THSD4: variants seen among roughly 807,000 people sequenced by gnomAD.
The protein encoded by THSD4 is thrombospondin type-1 domain-containing protein 4.
A neutral mutation model predicts 119.0 loss-of-function variants in THSD4; 69 were observed. That is an observed-to-expected ratio of 0.58 (90% CI 0.48 to 0.71). THSD4 has a LOEUF of 0.71. Among genes scored for constraint, THSD4 ranks in the 30% least tolerant of loss-of-function variants. THSD4 has a pLI of 0.00. For missense variants in THSD4, 1,393 were observed against 1,391.1 expected (o/e 1.00, Z -0.02); for synonymous variants, 524 against 540.4 (o/e 0.97, Z 0.42).
intron 8 of THSD4, among the ~76,000 whole-genome samples, chr15:71,724,521 G>A (rs1276305069): frequency 2.6e-5 from 4 of 151,396 alleles, no homozygotes; most frequent in East Asian, 3.9e-4. Context: ...TCCTGACCTC[G>A]TGATCCGCCA....
intron 1 of THSD4, among the ~76,000 whole-genome samples, chr15:71,101,967 C>T (rs1452392997): frequency 6.6e-6 from 1 of 152,106 alleles, no homozygotes; most frequent in Non-Finnish European, 1.5e-5. Context: ...GCCCCCTTGG[C>T]CGCCCAAAGT....
At chr15:71,469,492 G>C (rs565676300) in intron 7 of THSD4, among the ~76,000 whole-genome samples, 3 of 152,314 alleles carry the variant, frequency 2.0e-5, no homozygotes, top group South Asian at 4.1e-4. Context: ...CAGTCCCACG[G>C]ACACTTGCTG....
Position 71,369,595 on chromosome 15 carries a change from T to C in THSD4, c.1016-42092T>C, listed in dbSNP as rs563093105. Among the ~76,000 whole-genome samples the C allele has an allele frequency of 3.7e-4, 56 of 152,308 alleles. No homozygotes were observed. In the South Asian group the frequency reaches 6.2e-3, roughly 17 times the overall value. ...ATGCTGGATTATGTTTATTGATTTG[T>C]GTATGTTGAACCAGCCTTGCATCCC... On this transcript the variant is annotated intron_variant, in intron 6 of 17. Coordinates refer to ENST00000261862, the MANE Select transcript of THSD4 (RefSeq NM_024817.3).
intron 6 of THSD4, among the ~76,000 whole-genome samples, chr15:71,383,974 CTG>C (rs369286788): frequency 1.3e-5 from 2 of 152,168 alleles, no homozygotes; most frequent in Admixed American, 6.5e-5. Flanking sequence ...TGAGGAATGA[CTG>C]TATTTGAGAG....
At position 71,168,944 on chromosome 15, in the gene THSD4, C is replaced by T. The variant is rs566778850; in HGVS notation, c.99+14012C>T. Among the ~76,000 whole-genome samples the T allele has an allele frequency of 7.9e-5, 12 of 152,196 alleles. No homozygotes were observed. In the South Asian group the frequency reaches 1.5e-3, roughly 18 times the overall value. On this transcript the variant is annotated intron_variant, in intron 3 of 17. Coordinates refer to ENST00000261862, the MANE Select transcript of THSD4 (RefSeq NM_024817.3). Reference sequence around the variant, plus strand: ...TAAACAAGACACAAAAATCAGTAACCATAAAATTGTACTACATTCGAGTCG... The same window carrying T: ...TAAACAAGACACAAAAATCAGTAACTATAAAATTGTACTACATTCGAGTCG...
Position 71,710,606 on chromosome 15 carries a change from A to G in THSD4, c.1358-17943A>G, listed in dbSNP as rs62024324. ...ATGTAAGACCCACCTCATCTGGCTC[A>G]TACGGTATCTTCAAGGGGAAAAATA... On this transcript the variant is annotated intron_variant, in intron 8 of 17. Transcript: ENST00000261862. Among the ~76,000 whole-genome samples, 893 of 152,328 alleles carry G rather than the reference A, an allele frequency of 5.9e-3. 9 individuals are homozygous for G. Among genetic ancestry groups the G allele is most frequent in the Non-Finnish European group, 7.4e-3 (501 of 68,026 alleles).
At chr15:71,448,396 C>T (rs189046463) in intron 7 of THSD4, among the ~76,000 whole-genome samples, 313 of 152,290 alleles carry the variant, frequency 2.1e-3, no homozygotes, top group Non-Finnish European at 3.5e-3. Flanking sequence ...CATTTGGGGG[C>T]ATTTCATAAT....
intron 7 of THSD4, among the ~76,000 whole-genome samples, chr15:71,636,883 T>TTTTTTC (rs1278392034): frequency 6.6e-6 from 1 of 151,754 alleles, no homozygotes; most frequent in African/African-American, 2.4e-5. Context: ...CTCTCAATAT[T>TTTTTTC]TTTTTCTTTT....
In THSD4 at chr15:71,774,310, CAAAAAAAAA is replaced by C. The variant is rs11448201; in HGVS notation, c.2915-2913_2915-2905del. Reference sequence around the variant, plus strand: ...TGAGTGACAGAGTGAGACTCTGTCTCAAAAAAAAAAAAAAAAACTACAAGAGGCTGAAGA... The same window carrying C: ...TGAGTGACAGAGTGAGACTCTGTCTCAAAAAAAACTACAAGAGGCTGAAGA... On this transcript the variant is annotated intron_variant, in intron 17 of 17. Transcript: ENST00000261862. 5.5e-4 allele frequency among the ~76,000 whole-genome samples: 41 copies of C among 73,898 alleles called. No homozygotes were observed. The South Asian group carries it at 0.011, about 20-fold the overall frequency. 48.5% of individuals were successfully genotyped at this position (73,898 alleles called of 152,430 possible).
At chr15:71,240,847 A>G (rs927056997) in intron 4 of THSD4, among the ~76,000 whole-genome samples, 9 of 152,136 alleles carry the variant, frequency 5.9e-5, no homozygotes, top group African/African-American at 2.2e-4. Flanking sequence ...ACATATATAC[A>G]TATATATGAC....
intron 6 of THSD4, among the ~76,000 whole-genome samples, chr15:71,390,453 G>A (rs1180358264): frequency 2.0e-5 from 3 of 152,182 alleles, no homozygotes; most frequent in Admixed American, 1.3e-4. Flanking sequence ...GGATTGCATA[G>A]ATAAGCTGTG....
intron 6 of THSD4, among the ~76,000 whole-genome samples, chr15:71,267,583 T>G (rs2044477726): frequency 6.6e-6 from 1 of 152,204 alleles, no homozygotes; most frequent in African/African-American, 2.4e-5. Flanking sequence ...GCTAGCATCA[T>G]AATGACAGGG....
intron 7 of THSD4, among the ~76,000 whole-genome samples, chr15:71,432,016 T>A (rs980792729): frequency 3.9e-5 from 6 of 152,012 alleles, no homozygotes; most frequent in Non-Finnish European, 7.4e-5. Context: ...CACAAAGAGA[T>A]CTGGTTATTT....
intron 1 of THSD4, among the ~76,000 whole-genome samples, chr15:71,107,968 G>A (rs890763788): frequency 5.9e-5 from 9 of 152,146 alleles, no homozygotes; most frequent in East Asian, 1.9e-4. Context: ...TCACTGCTTC[G>A]TTTTCTGTCC....
intron 7 of THSD4, among the ~76,000 whole-genome samples, chr15:71,570,809 G>A (rs192206899): frequency 6.6e-6 from 1 of 152,294 alleles, no homozygotes; most frequent in Admixed American, 6.5e-5. Flanking sequence ...AAAATAAGAA[G>A]GTTGATGACT....
At chr15:71,112,529 A>C (rs971694603), upstream of THSD4, among the ~76,000 whole-genome samples, 4 of 152,184 alleles carry the variant, frequency 2.6e-5, no homozygotes, top group Admixed American at 2.0e-4. Flanking sequence ...TCTAAGAACA[A>C]TGTGGCTATT....
intron 7 of THSD4, among the ~76,000 whole-genome samples, chr15:71,561,905 C>A (rs1039542014): frequency 0.017 from 658 of 38,242 alleles, 16 homozygotes; most frequent in African/African-American, 0.07. Context: ...CACACACACA[C>A]ACACACACAC....
chr15:71,697,816 T>C (rs769363349), intron 8 of THSD4, among the ~76,000 whole-genome samples: 1 of 152,238 alleles, frequency 6.6e-6, no homozygotes, highest in Non-Finnish European at 1.5e-5. Context: ...TCTTTCCAGT[T>C]ACAAAATATA....
chr15:71,615,432 T>C (rs2050303887), intron 7 of THSD4, among the ~76,000 whole-genome samples: 1 of 152,034 alleles, frequency 6.6e-6, no homozygotes, highest in African/African-American at 2.4e-5. Flanking sequence ...TGAAAGAAAA[T>C]GAGAACCAGG....
Sources: allele counts gnomAD v4.1 joint callset (sites outside exome capture counted in the v4.1 genomes callset), GRCh38; gene constraint gnomAD v4.1.1; transcripts MANE v1.5; gene names NCBI Gene and HGNC (gene_info 2026-07-23, HGNC 2026-07-21).